Variants in PTPRN2 observed in about 807,000 individuals in gnomAD.
The protein encoded by PTPRN2 is receptor-type tyrosine-protein phosphatase N2.
Under a neutral mutation model 118.8 loss-of-function variants are expected in PTPRN2, and 74 were observed. The observed-to-expected ratio is 0.62, with a 90% CI of 0.52 to 0.76. PTPRN2 has a LOEUF of 0.76. PTPRN2 is among the 30% of genes least tolerant of loss of function. The pLI is 0.00. For missense variants in PTPRN2, 1,481 were observed against 1,394.4 expected, an observed-to-expected ratio of 1.06 and a Z score of -0.99; for synonymous variants, 641 against 608.0, an observed-to-expected ratio of 1.05 and a Z score of -0.80.
chr7:158,527,747 A>G (rs1407805829), intron 1 of PTPRN2, among the ~76,000 whole-genome samples: 1 of 151,994 alleles, frequency 6.6e-6, no homozygotes, highest in Non-Finnish European at 1.5e-5. Context: ...CTCTGCAGAG[A>G]GTAGAATTGT....
At chr7:157,657,270 A>C (rs62648722) in intron 13 of PTPRN2, among the ~76,000 whole-genome samples, 4 of 39,918 alleles carry the variant, frequency 1.0e-4, no homozygotes, top group Admixed American at 3.0e-4. Context: ...ACACACATAC[A>C]CCACACACAC....
At chr7:157,602,884 G>A (rs1025084550) in intron 16 of PTPRN2, among the ~76,000 whole-genome samples, 2 of 152,232 alleles carry the variant, frequency 1.3e-5, no homozygotes, top group African/African-American at 2.4e-5. Flanking sequence ...TTTGTGCCTC[G>A]ATCACCTGCC....
At chr7:158,354,306 C>T (rs1293329861) in intron 2 of PTPRN2, among the ~76,000 whole-genome samples, 1 of 152,132 alleles carries the variant, frequency 6.6e-6, no homozygotes, top group Non-Finnish European at 1.5e-5. Flanking sequence ...GACACAGACA[C>T]ACATCAACAA....
rs560292479 is a variant in PTPRN2 at position 158,517,671 on chromosome 7, G to A, written c.113-27886C>T. On this transcript the variant is annotated intron_variant, in intron 1 of 22. Coordinates refer to ENST00000389418, the MANE Select transcript of PTPRN2 (RefSeq NM_002847.5). The surrounding 1 kb of genome is among the most constrained non-coding windows in gnomAD (Gnocchi z 5.3). ...AGGGTGGAGTCCAAGCCAGCCTCAT[G>A]GACAGCGTCTCCAGACTCTTCCCCA... 6.6e-6 allele frequency among the ~76,000 whole-genome samples: 1 copy of A among 152,268 alleles called. No homozygotes were observed. The highest frequency in any genetic ancestry group is 6.5e-5 in the Admixed American group (1 of 15,300).
chr7:157,657,588 T>C (rs1187473095), intron 13 of PTPRN2, among the ~76,000 whole-genome samples: 136 of 14,412 alleles, frequency 9.4e-3, no homozygotes, highest in South Asian at 0.016. Flanking sequence ...TACACACACA[T>C]ACACCACACA....
At chr7:158,501,482 TC>T (rs1329390842) in intron 1 of PTPRN2, among the ~76,000 whole-genome samples, 1 of 152,184 alleles carries the variant, frequency 6.6e-6, no homozygotes, top group East Asian at 1.9e-4. Flanking sequence ...CCTGTTCCCA[TC>T]CCCGACACAA....
chr7:158,130,864 C>A (rs1360943609), intron 9 of PTPRN2, among the ~76,000 whole-genome samples: 1 of 148,744 alleles, frequency 6.7e-6, no homozygotes, highest in Non-Finnish European at 1.5e-5. Context: ...CACACACACT[C>A]ATATACACGC....
chr7:158,533,512 TC>T (rs913354855), intron 1 of PTPRN2, among the ~76,000 whole-genome samples: 5 of 152,064 alleles, frequency 3.3e-5, no homozygotes, highest in African/African-American at 1.2e-4. Context: ...CTATGTCCAC[TC>T]CCGGAGGCAC....
intron 1 of PTPRN2, among the ~76,000 whole-genome samples, chr7:158,564,819 G>A (rs1827579636): frequency 6.6e-6 from 1 of 152,242 alleles, no homozygotes; most frequent in African/African-American, 2.4e-5. Context: ...CCAGGAAATG[G>A]CTCTGTGGCC....
chr7:158,416,664 T>C (rs1814679441), intron 2 of PTPRN2, among the ~76,000 whole-genome samples: 1 of 152,040 alleles, frequency 6.6e-6, no homozygotes, highest in Non-Finnish European at 1.5e-5. Flanking sequence ...GGAAGTGAAA[T>C]TCCAAAGAAA....
At position 157,790,253 on chromosome 7, in the gene PTPRN2, G is replaced by T. The variant is rs567406521; in HGVS notation, c.1789-107316C>A. ...GGTGTGTGTGTGTGTCTGTGGTGGG[G>T]GTGTGTGTGTGGTGTTTGTGTGGTG... is the stretch of plus-strand genomic sequence containing the variant. On this transcript the variant is annotated intron_variant, in intron 12 of 22. Transcript: ENST00000389418. 1.6e-3 allele frequency among the ~76,000 whole-genome samples: 224 copies of T among 139,878 alleles called. 1 individual carries two copies. Among genetic ancestry groups the T allele is most frequent in the African/African-American group, 5.8e-3 (217 of 37,692 alleles). The allele number at this position is 139,878 out of a possible 152,430, so 91.8% of individuals were successfully genotyped here. A position where few individuals can be genotyped will look rare whatever the true frequency, so the allele number is the denominator to read the frequency against.
chr7:158,344,002 T>C (rs969113092), intron 2 of PTPRN2, among the ~76,000 whole-genome samples: 14 of 152,010 alleles, frequency 9.2e-5, no homozygotes, highest in Non-Finnish European at 2.1e-4. Context: ...CACCCCAAGA[T>C]AAGACCCAGA....
intron 3 of PTPRN2, among the ~76,000 whole-genome samples, chr7:158,280,076 C>G (rs1799318001): frequency 6.6e-6 from 1 of 152,110 alleles, no homozygotes; most frequent in Admixed American, 6.5e-5. Context: ...CACCAAGACA[C>G]AGCAGTTTGC....
chr7:158,323,181 C>T (rs1015933343), intron 2 of PTPRN2, among the ~76,000 whole-genome samples: 12 of 152,224 alleles, frequency 7.9e-5, no homozygotes, highest in African/African-American at 1.7e-4. Flanking sequence ...AGGCGTCCCC[C>T]GACAAGAATT....
intron 3 of PTPRN2, among the ~76,000 whole-genome samples, chr7:158,257,002 G>T (rs538275148): frequency 6.6e-6 from 1 of 152,124 alleles, no homozygotes; most frequent in East Asian, 1.9e-4. Flanking sequence ...GTAAATTCCG[G>T]ACCCCTAGTT....
At chr7:158,469,735 C>CAAAAAAAAA (rs56040599) in intron 2 of PTPRN2, among the ~76,000 whole-genome samples, 2 of 67,516 alleles carry the variant, frequency 3.0e-5, no homozygotes, top group African/African-American at 9.5e-5. Context: ...AAAACCTGGC[C>CAAAAAAAAA]AAAAAAAAAA....
At chr7:158,063,713 A>G (rs1199403117) in intron 11 of PTPRN2, among the ~76,000 whole-genome samples, 1 of 152,198 alleles carries the variant, frequency 6.6e-6, no homozygotes. Context: ...TCCAAACATT[A>G]GAAGGAACAA....
At position 158,058,143 on chromosome 7, in the gene PTPRN2, C is replaced by T. The variant is rs186506801; in HGVS notation, c.1723+23155G>A. Among the ~76,000 whole-genome samples the T allele has an allele frequency of 2.4e-3, 357 of 149,758 alleles. 1 individual carries two copies. Among genetic ancestry groups the T allele is most frequent in the African/African-American group, 7.8e-3 (314 of 40,470 alleles). On this transcript the variant is annotated intron_variant, in intron 11 of 22. Transcript: ENST00000389418. ...ACTACACTCCATCTGCGCACGGTGA[C>T]GCATCACTGCAGCCACACTCCATCT...
intron 11 of PTPRN2, among the ~76,000 whole-genome samples, chr7:158,071,851 GGTGGAGGTGCTCGTCAT>G: frequency 1.3e-4 from 4 of 30,518 alleles, no homozygotes; most frequent in African/African-American, 5.4e-4. Flanking sequence ...TGCTCGTGGT[GGTGGAGGTGCTCGTCAT>G]ATGGAGGTGC....
Sources: gnomAD v4.1 joint callset for allele counts (sites outside exome capture counted in the v4.1 genomes callset) on GRCh38, gnomAD v4.1.1 for gene constraint, Gnocchi (gnomAD v3.1) non-coding constraint, MANE v1.5 for transcripts, NCBI Gene and HGNC (gene_info 2026-07-23, HGNC 2026-07-21) for gene names.